Variants in EPM2A observed in about 807,000 individuals in gnomAD.
EPM2A encodes EPM2A glucan phosphatase, laforin, also known as laforin.
Under a neutral mutation model 26.5 loss-of-function variants are expected in EPM2A, and 21 were observed. That is an observed-to-expected ratio of 0.79 (90% CI 0.56 to 1.14). EPM2A has a LOEUF of 1.14. Ranked by LOEUF, EPM2A falls within the 50% of genes most tolerant of loss-of-function variation. The probability of loss-of-function intolerance (pLI) is 0.00; values close to 1 mark genes in which losing one functional copy is unlikely to be tolerated. For missense variants in EPM2A, 458 were observed against 440.8 expected (o/e 1.04, Z -0.35); for synonymous variants, 217 against 177.6 (o/e 1.22, Z -1.76).
At chr6:145,506,439 TA>T (rs1474856548) in intron 2 of EPM2A, among the ~76,000 whole-genome samples, 2 of 151,758 alleles carry the variant, frequency 1.3e-5, no homozygotes, top group Non-Finnish European at 2.9e-5. Flanking sequence ...TTCATAAAAG[TA>T]AAAACAAAAA....
chr6:145,415,442 T>G (rs1372963474), intron 4 of EPM2A, among the ~76,000 whole-genome samples: 1 of 152,230 alleles, frequency 6.6e-6, no homozygotes, highest in Non-Finnish European at 1.5e-5. Context: ...AATTTTTCCC[T>G]GAACGTGCAC....
intron 2 of EPM2A, among the ~76,000 whole-genome samples, chr6:145,656,099 T>C (rs1257642715): frequency 6.6e-6 from 1 of 152,204 alleles, no homozygotes; most frequent in African/African-American, 2.4e-5. Flanking sequence ...TTTTCAAAAA[T>C]CTATAATGAT....
chr6:145,612,266 T>C lies in EPM2A; in HGVS notation c.340+22979A>G, dbSNP rs563333708. On this transcript the variant is annotated intron_variant, in intron 2 of 3. Coordinates refer to the EPM2A transcript ENST00000450221. ...AGAAATTAGATTTTGCATTTTATAATGGATCAAACAATATTTCAGGATGAA... is the reference window on the plus strand; with the variant it reads ...AGAAATTAGATTTTGCATTTTATAACGGATCAAACAATATTTCAGGATGAA... Among the ~76,000 whole-genome samples, 362 of 152,308 alleles carry C rather than the reference T, an allele frequency of 2.4e-3. 1 individual carries two copies. The highest frequency in any genetic ancestry group is 8.5e-3 in the African/African-American group (353 of 41,584).
chr6:145,420,662 T>C (rs149640978), intron 4 of EPM2A, among the ~76,000 whole-genome samples: 1,723 of 152,260 alleles, frequency 0.011, 37 homozygotes, highest in African/African-American at 0.039. Flanking sequence ...TGGTACTAAT[T>C]ATACTATTTA....
rs971886319 is a variant in EPM2A at position 145,604,161 on chromosome 6, T to C, written c.340+31084A>G. Among the ~76,000 whole-genome samples the C allele has an allele frequency of 2.0e-5, 3 of 152,110 alleles. No individual in the cohort carries two copies. In the East Asian group the frequency reaches 5.8e-4, roughly 29 times the overall value. On this transcript the variant is annotated intron_variant, in intron 2 of 3. Coordinates refer to the EPM2A transcript ENST00000450221. ...CAGTGAAGCCAACTTGAATAGCCAT[T>C]AAAAAGTTTATGCTCTTTTGGGACC...
At chr6:145,488,656 T>C (rs1779711052) in intron 4 of EPM2A, among the ~76,000 whole-genome samples, 2 of 152,064 alleles carry the variant, frequency 1.3e-5, no homozygotes, top group South Asian at 4.1e-4. Flanking sequence ...TAGCACAAGA[T>C]CTTTACATTA....
At chr6:145,398,790 G>T (rs1778441979) in intron 4 of EPM2A, among the ~76,000 whole-genome samples, 1 of 151,600 alleles carries the variant, frequency 6.6e-6, no homozygotes, top group South Asian at 2.1e-4. Context: ...AACCCAGAAG[G>T]GAGAGGTTGC....
intron 2 of EPM2A, among the ~76,000 whole-genome samples, chr6:145,595,226 A>G: frequency 6.6e-6 from 1 of 151,904 alleles, no homozygotes. Context: ...TCTCTATTTT[A>G]TTCTTTTGAT....
intron 1 of EPM2A, among the ~76,000 whole-genome samples, chr6:145,723,420 A>G (rs1189569299): frequency 1.3e-5 from 2 of 152,114 alleles, no homozygotes; most frequent in Non-Finnish European, 2.9e-5. Flanking sequence ...GACTATATAC[A>G]TATGCATACA....
intron 2 of EPM2A, among the ~76,000 whole-genome samples, chr6:145,531,044 G>T (rs1309231456): frequency 1.3e-5 from 2 of 152,194 alleles, no homozygotes; most frequent in African/African-American, 4.8e-5. Flanking sequence ...GAAAGATATG[G>T]TGTCTCCACT....
chr6:145,412,932 A>G (rs1778662679), intron 4 of EPM2A, among the ~76,000 whole-genome samples: 1 of 152,106 alleles, frequency 6.6e-6, no homozygotes, highest in African/African-American at 2.4e-5. Context: ...TCCCTGGTGT[A>G]ATTTTTTGAG....
downstream of EPM2A, among the ~76,000 whole-genome samples, chr6:145,622,288 C>A (rs1477922014): frequency 6.6e-6 from 1 of 152,134 alleles, no homozygotes; most frequent in African/African-American, 2.4e-5. Flanking sequence ...CAAGCTAAAC[C>A]TGTAAATGGG....
chr6:145,645,494 G>A (rs932873810), intron 2 of EPM2A, among the ~76,000 whole-genome samples: 3 of 151,980 alleles, frequency 2.0e-5, no homozygotes, highest in Admixed American at 6.6e-5. Context: ...TTTTGGAAAC[G>A]AGGTCTTGCT....
At chr6:145,696,064 T>G (rs926152800) in intron 1 of EPM2A, among the ~76,000 whole-genome samples, 1 of 152,082 alleles carries the variant, frequency 6.6e-6, no homozygotes, top group African/African-American at 2.4e-5. Flanking sequence ...AAGACTGAAA[T>G]CATATCCAGT....
chr6:145,498,106 T>A (rs1182454219), downstream of EPM2A, among the ~76,000 whole-genome samples: 1 of 152,104 alleles, frequency 6.6e-6, no homozygotes, highest in Non-Finnish European at 1.5e-5. Flanking sequence ...TGCTGGGGGA[T>A]CCCTTCTCTC....
rs964112174 is a variant in EPM2A at position 145,421,374 on chromosome 6, G to C, written c.556-37277C>G. Among the ~76,000 whole-genome samples, 4 of 152,166 alleles carry C rather than the reference G, an allele frequency of 2.6e-5. No individual in the cohort carries two copies. In the East Asian group the frequency reaches 5.8e-4, roughly 22 times the overall value. On this transcript the variant is annotated intron_variant, in intron 4 of 4. Transcript: ENST00000638717. ...TTTCATGGTGTTGCATAGTATTTTG[G>C]AAGTAATGAAGGGAGTTTCCTACCA...
rs182374624 is a variant in EPM2A, at chr6:145,575,757, C to T, written c.340+59488G>A. ...CACAATAAAGACTATCAGTGTTCTC[C>T]ATACTATCAGAAGTAGATCCTTAGC... On this transcript the variant is annotated intron_variant, in intron 2 of 3. Transcript: ENST00000450221. Among the ~76,000 whole-genome samples the T allele has an allele frequency of 4.0e-3, 603 of 152,298 alleles. 3 individuals carry two copies. The highest frequency in any genetic ancestry group is 0.014 in the African/African-American group (570 of 41,568).
At chr6:145,523,030 G>C (rs1780224812) in intron 2 of EPM2A, among the ~76,000 whole-genome samples, 1 of 152,100 alleles carries the variant, frequency 6.6e-6, no homozygotes, top group Non-Finnish European at 1.5e-5. Flanking sequence ...GCACCAATAT[G>C]TCACCAAAGC....
intron 2 of EPM2A, among the ~76,000 whole-genome samples, chr6:145,532,734 C>A (rs1256815904): frequency 6.6e-6 from 1 of 152,126 alleles, no homozygotes; most frequent in Non-Finnish European, 1.5e-5. Flanking sequence ...GTGGGACAGA[C>A]CCCCGTACTC....
Sources: gnomAD v4.1 joint callset for allele counts (sites outside exome capture counted in the v4.1 genomes callset) on GRCh38, gnomAD v4.1.1 for gene constraint, MANE v1.5 for transcripts, NCBI Gene and HGNC (gene_info 2026-07-23, HGNC 2026-07-21) for gene names.